The following ANKRD55 variants were observed in gnomAD, a reference collection of about 807,000 sequenced individuals.
The protein encoded by ANKRD55 is ankyrin repeat domain-containing protein 55.
A neutral mutation model predicts 60.6 loss-of-function variants in ANKRD55; 41 were observed. That is an observed-to-expected ratio of 0.68 (90% CI 0.53 to 0.88). The LOEUF (loss-of-function observed/expected upper bound fraction) is 0.88, where lower values mean the gene tolerates loss of function less well. Ranked by LOEUF, ANKRD55 falls within the 40% of genes least tolerant of loss-of-function variation. The pLI is 0.00. For synonymous variants in ANKRD55, 264 were observed against 290.3 expected, an observed-to-expected ratio of 0.91 and a Z score of 0.92; for missense variants, 732 against 767.6, an observed-to-expected ratio of 0.95 and a Z score of 0.55.
At position 56,209,589 on chromosome 5, in the gene ANKRD55, T is replaced by C. The variant is rs976788858; in HGVS notation, c.58+23267A>G. Among the ~76,000 whole-genome samples the C allele has an allele frequency of 5.9e-5, 9 of 151,768 alleles. No individual in the cohort carries two copies. In the South Asian group the frequency reaches 6.2e-4, roughly 11 times the overall value. On this transcript the variant is annotated intron_variant, in intron 2 of 11. Coordinates refer to ENST00000341048, the MANE Select transcript of ANKRD55 (RefSeq NM_024669.3). ...TCACGCCATTCTCCTGCCTCAGCCTTCCGACTAGCTGGGACTACAGGCGCC... is the reference window on the plus strand; with the variant it reads ...TCACGCCATTCTCCTGCCTCAGCCTCCCGACTAGCTGGGACTACAGGCGCC...
intron 5 of ANKRD55, among the ~76,000 whole-genome samples, chr5:56,162,674 T>TA (rs1452707355): frequency 6.8e-6 from 1 of 146,080 alleles, no homozygotes; most frequent in African/African-American, 2.6e-5. Context: ...TTTTGGTCAA[T>TA]TTTTTTTTTT....
At chr5:56,172,113 T>C (rs966441950) in intron 4 of ANKRD55, among the ~76,000 whole-genome samples, 5 of 143,032 alleles carry the variant, frequency 3.5e-5, no homozygotes, top group African/African-American at 1.4e-4. Context: ...AACGAGACTC[T>C]GTCTCAAGAA....
At chr5:56,228,289 A>G (rs1760168134) in intron 2 of ANKRD55, among the ~76,000 whole-genome samples, 1 of 152,200 alleles carries the variant, frequency 6.6e-6, no homozygotes, top group Admixed American at 6.5e-5. Context: ...TGAAACAGGT[A>G]CACAGAGGAG....
chr5:56,186,576 C>T (rs1758979589), intron 2 of ANKRD55, among the ~76,000 whole-genome samples: 1 of 152,142 alleles, frequency 6.6e-6, no homozygotes, highest in Non-Finnish European at 1.5e-5. Flanking sequence ...GCTTTTAGAA[C>T]AAGGCCTGGC....
rs1477925169 is a variant in ANKRD55, at chr5:56,166,152, T to A, written c.422+4542A>T. Among the ~76,000 whole-genome samples the A allele has an allele frequency of 5.1e-5, 5 of 98,352 alleles. No homozygotes were observed. In the Admixed American group the frequency reaches 5.2e-4, roughly 10 times the overall value. The allele number at this position is 98,352 out of a possible 152,430, so 64.5% of individuals were successfully genotyped here. On this transcript the variant is annotated intron_variant, in intron 5 of 11. Coordinates refer to ENST00000341048, the MANE Select transcript of ANKRD55 (RefSeq NM_024669.3). Reference sequence around the variant, plus strand: ...TTTCTTTCTTTCTTTCTTTCTTTCTTTCTTCTTTCCTTCCTTCCTTCCTTC... The same window carrying A: ...TTTCTTTCTTTCTTTCTTTCTTTCTATCTTCTTTCCTTCCTTCCTTCCTTC...
chr5:56,127,519 C>T lies in ANKRD55; in HGVS notation c.613-413G>A, dbSNP rs527589777. 4.1e-6 allele frequency: 4 copies of T among 985,214 alleles called. No homozygotes were observed. In the African/African-American group the frequency reaches 7.0e-5, roughly 17 times the overall value. The allele number at this position is 985,214 out of a possible 1,614,324, so 61.0% of individuals were successfully genotyped here. On this transcript the variant is annotated intron_variant, in intron 7 of 11. Transcript: ENST00000341048. ...CCACCAAGAAACTGACAGAGTTCAT[C>T]TTAATGTTAAAGAAGTGACTATGAT...
Position 56,159,844 on chromosome 5 carries a change from G to A in ANKRD55, c.472C>T (p.Gln158Ter), listed in dbSNP as rs750550598. Residue 158 changes from glutamine to a stop codon, truncating the protein, a stop_gained, in exon 6 of 12, where the codon CAG (glutamine) becomes TAG (stop). Transcript: ENST00000341048. LOFTEE classifies it high-confidence loss of function. ...QQSNISEINH[Q>*]DNEGMTPLHW... Reference sequence around the variant, plus strand: ...AGAGTGTGGCTCACCTCATTGTCCTGGTGATTAATCTCGCTGATGTTCGAC... The same window carrying A: ...AGAGTGTGGCTCACCTCATTGTCCTAGTGATTAATCTCGCTGATGTTCGAC... 4.3e-6 allele frequency: 7 copies of A among 1,613,800 alleles called. No homozygotes were observed. Among genetic ancestry groups the A allele is most frequent in the Non-Finnish European group, 5.9e-6 (7 of 1,179,894 alleles).
At chr5:56,179,189 G>C (rs1758805649) in intron 3 of ANKRD55, among the ~76,000 whole-genome samples, 1 of 152,140 alleles carries the variant, frequency 6.6e-6, no homozygotes, top group African/African-American at 2.4e-5. Context: ...GTGTCATAGA[G>C]CAATTAAAAT....
At chr5:56,212,478 T>C (rs1208737225) in intron 2 of ANKRD55, among the ~76,000 whole-genome samples, 2 of 152,042 alleles carry the variant, frequency 1.3e-5, no homozygotes, top group African/African-American at 2.4e-5. Context: ...AGAAATGAAA[T>C]GTAATAATTA....
At chr5:56,100,727 T>C (rs774769707) in intron 11 of ANKRD55, among the ~76,000 whole-genome samples, 1 of 152,228 alleles carries the variant, frequency 6.6e-6, no homozygotes, top group African/African-American at 2.4e-5. Flanking sequence ...CATTTCTTTT[T>C]TGTAGAGCTA....
At position 56,151,452 on chromosome 5, in the gene ANKRD55, TA is replaced by T. The variant is rs1758041283; in HGVS notation, c.484-7524del. Among the ~76,000 whole-genome samples the T allele has an allele frequency of 2.0e-5, 3 of 152,178 alleles. No individual in the cohort carries two copies. The South Asian group carries it at 6.2e-4, about 32-fold the overall frequency. ...AACAAAAGAAGAAAGGGCCATAAAATAAAATAACATGACTTTTTCTTGAATT... is the reference window on the plus strand; with the variant it reads ...AACAAAAGAAGAAAGGGCCATAAAATAAATAACATGACTTTTTCTTGAATT... On this transcript the variant is annotated intron_variant, in intron 6 of 11. Coordinates refer to ENST00000341048, the MANE Select transcript of ANKRD55 (RefSeq NM_024669.3).
intron 5 of ANKRD55, among the ~76,000 whole-genome samples, chr5:56,170,370 G>C (rs868274237): frequency 6.6e-6 from 1 of 152,126 alleles, no homozygotes; most frequent in Admixed American, 6.5e-5. Context: ...ACAGTCCTTG[G>C]TCCATAACAT....
intron 6 of ANKRD55, chr5:56,146,959 G>GTTACCAT (rs1305801283): frequency 6.6e-6 from 1 of 152,206 alleles, no homozygotes; most frequent in Non-Finnish European, 1.5e-5. Flanking sequence ...TGGTAATGCA[G>GTTACCAT]TGTTAATTAT....
In ANKRD55 at chr5:56,100,253, C is replaced by T; in HGVS notation, c.1775G>A (p.Ser592Asn). The change falls in exon 12 of 12, where the codon AGT (serine) becomes AAT (asparagine). Residue 592 changes from serine to asparagine, a missense_variant. Coordinates refer to ENST00000341048, the MANE Select transcript of ANKRD55 (RefSeq NM_024669.3). ...TGCTGCTGTGCTGTGTCTTCGTTGACTTGGAATTGCAGGAAGCACTCGGTT... is the reference window on the plus strand; with the variant it reads ...TGCTGCTGTGCTGTGTCTTCGTTGATTTGGAATTGCAGGAAGCACTCGGTT... ...RTNRVLPAIP[S>N]QRRHSTAAEE... The T allele has an allele frequency of 1.2e-6, 2 of 1,614,160 alleles. No individual in the cohort carries two copies. The highest frequency in any genetic ancestry group is 1.7e-6 in the Non-Finnish European group (2 of 1,180,036).
At chr5:56,106,755 C>A (rs1756492182) in intron 10 of ANKRD55, among the ~76,000 whole-genome samples, 1 of 151,904 alleles carries the variant, frequency 6.6e-6, no homozygotes, top group South Asian at 2.1e-4. Flanking sequence ...TCTATAATGC[C>A]AGCATTTTGG....
chr5:56,180,057 G>C (rs933451216), intron 3 of ANKRD55, among the ~76,000 whole-genome samples: 1 of 152,164 alleles, frequency 6.6e-6, no homozygotes, highest in African/African-American at 2.4e-5. Context: ...GGCCATATTG[G>C]GTGAGGGCCT....
chr5:56,185,266 A>C (rs1421403090), intron 2 of ANKRD55, among the ~76,000 whole-genome samples: 1 of 151,970 alleles, frequency 6.6e-6, no homozygotes, highest in Admixed American at 6.6e-5. Context: ...TCAAGTGGAG[A>C]ACGGGGAGGA....
At chr5:56,161,930 C>T in intron 5 of ANKRD55, 3 of 970,310 alleles carry the variant, frequency 3.1e-6, no homozygotes, top group Non-Finnish European at 3.7e-6. Context: ...AATTATTTCA[C>T]CACTGGATAT....
At chr5:56,163,676 C>A (rs1758384401) in intron 5 of ANKRD55, among the ~76,000 whole-genome samples, 1 of 152,204 alleles carries the variant, frequency 6.6e-6, no homozygotes, top group Non-Finnish European at 1.5e-5. Flanking sequence ...GGCGAGCTCC[C>A]AGTGCCTACA....
Sources: gnomAD v4.1 joint callset for allele counts (sites outside exome capture counted in the v4.1 genomes callset) on GRCh38, gnomAD v4.1.1 for gene constraint, MANE v1.5 for transcripts, NCBI Gene and HGNC (gene_info 2026-07-23, HGNC 2026-07-21) for gene names.